PLPP5: variants seen among roughly 807,000 people sequenced by gnomAD.
The protein encoded by PLPP5 is diacylglycerol pyrophosphate like 1.
PLPP5 carries 29 observed loss-of-function variants against 23.6 expected under a neutral mutation model. The ratio of observed to expected loss-of-function variants is 1.23; its 90% CI spans 0.92 to 1.68. The LOEUF is 1.68. Ranked by LOEUF, PLPP5 falls within the 40% of genes most tolerant of loss-of-function variation. The probability of loss-of-function intolerance (pLI) is 0.00; values close to 1 mark genes in which losing one functional copy is unlikely to be tolerated. For synonymous variants in PLPP5, 143 were observed against 131.3 expected (o/e 1.09, Z -0.61); for missense variants, 315 against 332.1 (o/e 0.95, Z 0.40).
chr8:38,264,757 T>G (rs1171035697), intron 6 of PLPP5, 153 bp from the exon 7 acceptor site: 1 of 1,454,150 alleles, frequency 6.9e-7, no homozygotes, highest in Non-Finnish European at 9.1e-7. Flanking sequence ...TAAAATCTTT[T>G]TATTCTCAAT....
chr8:38,264,183 TG>T lies in PLPP5; in HGVS notation c.*260del. On this transcript the variant is annotated 3_prime_UTR_variant, in exon 7 of 7. Coordinates refer to ENST00000424479, the MANE Select transcript of PLPP5 (RefSeq NM_001102559.2). ...TTTTTTTTGAGATGGGGTCTCACTC[TG>T]TTGCCTAGGCTGGAGTGCAGTGGTG... is the stretch of plus-strand genomic sequence containing the variant. The T allele has an allele frequency of 9.7e-7, 1 of 1,034,942 alleles. No individual in the cohort carries two copies. The highest frequency in any genetic ancestry group is 1.2e-6 in the Non-Finnish European group (1 of 849,650). The allele number at this position is 1,034,942 out of a possible 1,614,324, so 64.1% of individuals were successfully genotyped here. A position where few individuals can be genotyped will look rare whatever the true frequency, so the allele number is the denominator to read the frequency against.
rs1294675949 is a variant in PLPP5, at chr8:38,266,160, G to C, written c.615C>G (p.Asp205Glu). Residue 205 changes from aspartate (D) to glutamate (E), a missense_variant, in exon 6 of 7, where the codon GAC (aspartate) becomes GAG (glutamate). Asp to Glu is a conservative substitution (Grantham distance 45). Coordinates refer to ENST00000424479, the MANE Select transcript of PLPP5 (RefSeq NM_001102559.2). ...AAVIALSRTC[D>E]YKHHWQDVLV... ...GCTTACCTTGCCAGTGATGCTTGTA[G>C]TCACATGTGCGGGACAGTGCAATCA... 14 of 1,613,892 alleles carry C rather than the reference G, an allele frequency of 8.7e-6. No homozygotes were observed. Among genetic ancestry groups the C allele is most frequent in the African/African-American group, 1.3e-5 (1 of 74,926 alleles).
intron 6 of PLPP5, chr8:38,265,585 C>CT (rs1258844768): frequency 6.6e-6 from 1 of 152,196 alleles, no homozygotes; most frequent in Non-Finnish European, 1.5e-5. Flanking sequence ...GCCACTGCAC[C>CT]TGGCCTCAAT....
intron 1 of PLPP5, 22 bp downstream of exon 1, chr8:38,269,104 C>G: frequency 1.3e-6 from 2 of 1,526,456 alleles, no homozygotes; most frequent in Non-Finnish European, 1.8e-6. Flanking sequence ...GCCGCCCGGG[C>G]CCGGCCGTGG....
At chr8:38,266,402 TTTTA>T (rs1041117169) in intron 5 of PLPP5, 91 bp from the exon 6 acceptor site, 8 of 1,192,328 alleles carry the variant, frequency 6.7e-6, no homozygotes, top group South Asian at 1.5e-5. Context: ...ATGAGTATGT[TTTTA>T]TTTATTTATT....
At position 38,264,614 on chromosome 8, in the gene PLPP5, G is replaced by A. The variant is rs373328557; in HGVS notation, c.635-10C>T. Reference sequence around the variant, plus strand: ...GATCCAACTAGTACATCTGAAGAGAGTGGAAACAAGGTCTTCTCTTAATAT... The same window carrying A: ...GATCCAACTAGTACATCTGAAGAGAATGGAAACAAGGTCTTCTCTTAATAT... On this transcript the variant is annotated splice_polypyrimidine_tract_variant and intron_variant, in intron 6 of 6. Transcript: ENST00000424479. 5.1e-6 allele frequency: 8 copies of A among 1,582,568 alleles called. No individual in the cohort carries two copies. The highest frequency in any genetic ancestry group is 1.8e-5 in the Admixed American group (1 of 54,796).
chr8:38,269,097 G>T, intron 1 of PLPP5, 29 bp downstream of exon 1: 4 of 1,526,454 alleles, frequency 2.6e-6, no homozygotes, highest in Non-Finnish European at 3.5e-6. Context: ...AAGCGGGGCC[G>T]CCCGGGCCCG....
chr8:38,269,047 A>G, intron 1 of PLPP5, 57 bp from the exon 2 acceptor site: 1 of 1,528,578 alleles, frequency 6.5e-7, no homozygotes, highest in Non-Finnish European at 8.8e-7. Flanking sequence ...CCGCTTCCCC[A>G]CTGCCCGACC....
At chr8:38,267,733 C>A in intron 4 of PLPP5, 164 bp downstream of exon 4, 1 of 736,626 alleles carries the variant, frequency 1.4e-6, no homozygotes, top group Non-Finnish European at 2.2e-6. Flanking sequence ...ACCTGGAGGA[C>A]TGAGGTATGG....
At chr8:38,269,096 C>T (rs1214803804) in intron 1 of PLPP5, 30 bp downstream of exon 1, 1 of 1,525,758 alleles carries the variant, frequency 6.6e-7, no homozygotes, top group African/African-American at 1.4e-5. Flanking sequence ...GAAGCGGGGC[C>T]GCCCGGGCCC....
chr8:38,268,849 G>T, intron 2 of PLPP5, 33 bp downstream of exon 2: 2 of 1,520,476 alleles, frequency 1.3e-6, no homozygotes, highest in Non-Finnish European at 1.8e-6. Context: ...CCGGGTCATG[G>T]GGAGGGAGGA....
Position 38,269,205 on chromosome 8 carries a change from C to G in PLPP5, c.-6G>C, listed in dbSNP as rs1021870154. On this transcript the variant is annotated 5_prime_UTR_variant, in exon 1 of 7. Transcript: ENST00000424479. Reference sequence around the variant, plus strand: ...GCCGCCGCCGCCTTCCCCATCCGGCCGCGAGCTCCGAGCGACGCTGCGCTG... The same window carrying G: ...GCCGCCGCCGCCTTCCCCATCCGGCGGCGAGCTCCGAGCGACGCTGCGCTG... 5 of 1,497,330 alleles carry G rather than the reference C, an allele frequency of 3.3e-6. No homozygotes were observed. Among genetic ancestry groups the G allele is most frequent in the Non-Finnish European group, 3.5e-6 (4 of 1,131,332 alleles). 92.8% of individuals were successfully genotyped at this position (1,497,330 alleles called of 1,614,324 possible).
rs367998025 is a variant in PLPP5 at position 38,268,975 on chromosome 8, G to T, written c.90C>A (p.Leu30=). The T allele has an allele frequency of 1.4e-5, 22 of 1,572,106 alleles. No individual in the cohort carries two copies. The African/African-American group carries it at 2.7e-4, about 19-fold the overall frequency. ...GCTGGATGAGTCTCTGGAACGGGGGGAGCAGCTCCGTCACCCTAGAGGGGA... is the reference window on the plus strand; with the variant it reads ...GCTGGATGAGTCTCTGGAACGGGGGTAGCAGCTCCGTCACCCTAGAGGGGA... The part of the protein sequence containing the change: ...LFAAFLVTEL[L]PPFQRLIQPE... Residue 30 remains leucine (L), a synonymous_variant, in exon 2 of 7, where the codon CTC becomes CTA. Coordinates refer to ENST00000424479, the MANE Select transcript of PLPP5 (RefSeq NM_001102559.2).
Position 38,267,542 on chromosome 8 carries a change from A to C in PLPP5, c.339-151T>G, listed in dbSNP as rs940105725. The C allele has an allele frequency of 4.5e-6, 4 of 892,962 alleles. No individual in the cohort carries two copies. In the South Asian group the frequency reaches 7.3e-5, roughly 16 times the overall value. 55.3% of individuals were successfully genotyped at this position (892,962 alleles called of 1,614,324 possible). A position where few individuals can be genotyped will look rare whatever the true frequency, so the allele number is the denominator to read the frequency against. On this transcript the variant is annotated intron_variant, in intron 4 of 6. Transcript: ENST00000424479. ...GGCTTAGTATAGTCACCACACTAAG[A>C]GAAAAGCCTTTCAAGGTGAGCATTT... is the stretch of plus-strand genomic sequence containing the variant.
In PLPP5 at chr8:38,263,997, G is replaced by C; in HGVS notation, c.*447C>G. ...CGTAACTCCTCAAGATAGATGAGCA[G>C]GGGCAAAAGTGTGTAATCATTTGGA... On this transcript the variant is annotated 3_prime_UTR_variant, in exon 7 of 7. Coordinates refer to ENST00000424479, the MANE Select transcript of PLPP5 (RefSeq NM_001102559.2). 1.0e-6 allele frequency: 1 copy of C among 986,032 alleles called. No homozygotes were observed. Among genetic ancestry groups the C allele is most frequent in the Non-Finnish European group, 1.2e-6 (1 of 830,398 alleles). The allele number at this position is 986,032 out of a possible 1,614,324, so 61.1% of individuals were successfully genotyped here.
chr8:38,266,308 G>A lies in PLPP5; in HGVS notation c.467C>T (p.Ala156Val), dbSNP rs1260153765. ...GGACGCAAAGGCCAGACCAGCAAAT[G>A]CAACTGGAACAAGAAAAACTTTTAA... ...KSFPSGHSSF[A>V]FAGLAFASFY... The change falls in exon 6 of 7, where the codon GCA becomes GTA. Residue 156 changes from alanine (A) to valine (V), a missense_variant. Coordinates refer to ENST00000424479, the MANE Select transcript of PLPP5 (RefSeq NM_001102559.2). 6.2e-7 allele frequency: 1 copy of A among 1,611,212 alleles called. No individual in the cohort carries two copies. The highest frequency in any genetic ancestry group is 1.1e-5 in the South Asian group (1 of 90,642).
Position 38,269,113 on chromosome 8 carries a change from G to C in PLPP5, c.74+13C>G, listed in dbSNP as rs879244779. 9.8e-5 allele frequency: 150 copies of C among 1,525,364 alleles called. No individual in the cohort carries two copies. Among genetic ancestry groups the C allele is most frequent in the Non-Finnish European group, 1.2e-4 (140 of 1,141,704 alleles). 94.5% of individuals were successfully genotyped at this position (1,525,364 alleles called of 1,614,324 possible). A position where few individuals can be genotyped will look rare whatever the true frequency, so the allele number is the denominator to read the frequency against. ...AGCGGGGCCGCCCGGGCCCGGCCGT[G>C]GATCTTTCTTACAGGAAGGCCGCGA... On this transcript the variant is annotated intron_variant, in intron 1 of 6. Transcript: ENST00000424479.
chr8:38,263,989 G>C lies in PLPP5; in HGVS notation c.*455C>G. ...AAAAGAACCGTAACTCCTCAAGATA[G>C]ATGAGCAGGGGCAAAAGTGTGTAAT... On this transcript the variant is annotated 3_prime_UTR_variant, in exon 7 of 7. Coordinates refer to ENST00000424479, the MANE Select transcript of PLPP5 (RefSeq NM_001102559.2). 3 of 986,002 alleles carry C rather than the reference G, an allele frequency of 3.0e-6. No homozygotes were observed. The highest frequency in any genetic ancestry group is 3.6e-6 in the Non-Finnish European group (3 of 830,366). 61.1% of individuals were successfully genotyped at this position (986,002 alleles called of 1,614,324 possible).
chr8:38,268,053 T>A, intron 3 of PLPP5, 93 bp from the exon 4 acceptor site: 1 of 1,593,588 alleles, frequency 6.3e-7, no homozygotes. Context: ...GTTTCTGAGA[T>A]GGATAGAATC....
Sources: gnomAD v4.1 joint callset for allele counts on GRCh38, gnomAD v4.1.1 for gene constraint, MANE v1.5 for transcripts, NCBI Gene and HGNC (gene_info 2026-07-23, HGNC 2026-07-21) for gene names.